The following DEPDC4 variants were observed in gnomAD, a reference collection of about 807,000 sequenced individuals.
DEPDC4 encodes DEP domain containing 4.
Under a neutral mutation model 52.0 loss-of-function variants are expected in DEPDC4, and 52 were observed. That is an observed-to-expected ratio of 1.00 (90% CI 0.80 to 1.26). The LOEUF is 1.26. Ranked by LOEUF, DEPDC4 falls within the 50% of genes most tolerant of loss-of-function variation. The pLI is 0.00. For missense variants in DEPDC4, 530 were observed against 546.9 expected, an observed-to-expected ratio of 0.97 and a Z score of 0.31; for synonymous variants, 201 against 196.8, an observed-to-expected ratio of 1.02 and a Z score of -0.18.
rs539273443 is a variant in DEPDC4 at position 100,249,384 on chromosome 12, C to T, written c.1375-406G>A. ...GGCAAATAGGCCAGGCGTGGTGGCT[C>T]ACACCTGTAATCCCAGTACTTTGGG... On this transcript the variant is annotated intron_variant, in intron 7 of 9. Transcript: ENST00000550587. Among the ~76,000 whole-genome samples the T allele has an allele frequency of 9.2e-5, 14 of 152,288 alleles. No homozygotes were observed. The South Asian group carries it at 2.9e-3, about 32-fold the overall frequency.
chr12:100,261,118 T>A (rs908914718), intron 3 of DEPDC4, among the ~76,000 whole-genome samples: 12 of 151,522 alleles, frequency 7.9e-5, no homozygotes, highest in Non-Finnish European at 1.5e-5. Context: ...GAGGCAGAGG[T>A]TGGAGTGAGC....
chr12:100,233,041 G>T (rs1474698535), intron 9 of DEPDC4, among the ~76,000 whole-genome samples: 1 of 152,120 alleles, frequency 6.6e-6, no homozygotes, highest in African/African-American at 2.4e-5. Flanking sequence ...GCTCCATTTT[G>T]CAAATGAGAA....
At chr12:100,263,985 G>A (rs1221428486) in intron 1 of DEPDC4, 92 bp from the exon 2 acceptor site, 2 of 1,138,540 alleles carry the variant, frequency 1.8e-6, no homozygotes, top group Non-Finnish European at 2.5e-6. Flanking sequence ...CTTGTTGAAG[G>A]CATATCTGCT....
intron 5 of DEPDC4, among the ~76,000 whole-genome samples, chr12:100,252,889 G>A (rs552453726): frequency 6.6e-5 from 10 of 152,216 alleles, no homozygotes; most frequent in South Asian, 6.2e-4. Context: ...TAGGTACCTC[G>A]GTTCTTAAAT....
At chr12:100,269,149 A>G (rs552069946), upstream of DEPDC4, among the ~76,000 whole-genome samples, 1 of 152,236 alleles carries the variant, frequency 6.6e-6, no homozygotes, top group East Asian at 1.9e-4. Flanking sequence ...TTTTAAGTAA[A>G]TCGAACACAT....
chr12:100,277,656 A>G, the DEPDC4 span, among the ~76,000 whole-genome samples: 1 of 152,172 alleles, frequency 6.6e-6, no homozygotes, highest in Non-Finnish European at 1.5e-5. Flanking sequence ...ATCCAATTTG[A>G]TAATCTCTGC....
At chr12:100,257,251 T>G (rs2096237473) in intron 3 of DEPDC4, among the ~76,000 whole-genome samples, 2 of 152,002 alleles carry the variant, frequency 1.3e-5, no homozygotes, top group Non-Finnish European at 2.9e-5. Flanking sequence ...CTAATTTTTG[T>G]ATTTTTAGTA....
At chr12:100,257,975 TGATAGATAGATAGATA>T (rs3054280) in intron 3 of DEPDC4, among the ~76,000 whole-genome samples, 21,320 of 149,248 alleles carry the variant, frequency 0.14, 2,034 homozygotes, top group Non-Finnish European at 0.21. Flanking sequence ...TAAAATGTAT[TGATAGATAGATAGATA>T]GATAGATAGA....
At chr12:100,244,563 C>T (rs1409420320) in intron 8 of DEPDC4, among the ~76,000 whole-genome samples, 1 of 151,706 alleles carries the variant, frequency 6.6e-6, no homozygotes, top group Non-Finnish European at 1.5e-5. Flanking sequence ...GCAGCCTGGA[C>T]CTCCTGCAGC....
At chr12:100,246,707 C>T (rs146214090) in intron 8 of DEPDC4, among the ~76,000 whole-genome samples, 1,999 of 152,212 alleles carry the variant, frequency 0.013, 20 homozygotes, top group Non-Finnish European at 0.02. Context: ...AAGGCCAAGG[C>T]GGGCGGATCA....
At chr12:100,275,119 T>C in the DEPDC4 span, among the ~76,000 whole-genome samples, 30 of 152,224 alleles carry the variant, frequency 2.0e-4, no homozygotes, top group Non-Finnish European at 3.7e-4. Flanking sequence ...CTTGTTAAAT[T>C]TATTCATAGG....
intron 9 of DEPDC4, among the ~76,000 whole-genome samples, chr12:100,234,902 G>A (rs2096139045): frequency 6.6e-6 from 1 of 152,082 alleles, no homozygotes; most frequent in African/African-American, 2.4e-5. Flanking sequence ...GTCACTAGGT[G>A]GCATGGCAAT....
rs1252063265 is a variant in DEPDC4 at position 100,261,777 on chromosome 12, A to G, written c.700+487T>C. On this transcript the variant is annotated intron_variant, in intron 3 of 9. Coordinates refer to ENST00000550587, the MANE Select transcript of DEPDC4 (RefSeq NM_001364818.2). ...TGTGTAGAAGGAAACTCCTACAGGG[A>G]AGAGAAGGAGGGAGTCAACACACTA... 1.5e-5 allele frequency: 7 copies of G among 456,694 alleles called. No individual in the cohort carries two copies. The East Asian group carries it at 4.9e-4, about 32-fold the overall frequency. The allele number at this position is 456,694 out of a possible 1,614,324, so 28.3% of individuals were successfully genotyped here. A position where few individuals can be genotyped will look rare whatever the true frequency, so the allele number is the denominator to read the frequency against.
intron 5 of DEPDC4, among the ~76,000 whole-genome samples, chr12:100,252,813 A>G (rs896637222): frequency 2.6e-5 from 4 of 152,230 alleles, no homozygotes; most frequent in African/African-American, 9.6e-5. Flanking sequence ...AAAATGACAT[A>G]TTATGTCACT....
chr12:100,241,972 G>T, intron 9 of DEPDC4, 127 bp from the exon 10 acceptor site: 2 of 429,594 alleles, frequency 4.7e-6, no homozygotes, highest in Non-Finnish European at 6.2e-6. Flanking sequence ...GGCTTTCTTT[G>T]TTCCACAGTT....
chr12:100,281,416 G>A, the DEPDC4 span, among the ~76,000 whole-genome samples: 1 of 152,206 alleles, frequency 6.6e-6, no homozygotes, highest in Non-Finnish European at 1.5e-5. Context: ...GCTAGGTGTG[G>A]TGGCTTATTT....
chr12:100,255,357 T>C (rs2096228140), intron 4 of DEPDC4, among the ~76,000 whole-genome samples: 1 of 152,228 alleles, frequency 6.6e-6, no homozygotes. Flanking sequence ...AGGACCATAG[T>C]TGACTAAGAG....
chr12:100,241,595 G>A lies in DEPDC4; in HGVS notation c.*297C>T. Reference sequence around the variant, plus strand: ...TTTGAGATTATGCTTTCTCTGAAGTGTAAGTATGGCAATTTGAGAAAACCA... The same window carrying A: ...TTTGAGATTATGCTTTCTCTGAAGTATAAGTATGGCAATTTGAGAAAACCA... On this transcript the variant is annotated 3_prime_UTR_variant, in exon 10 of 10. Coordinates refer to ENST00000550587, the MANE Select transcript of DEPDC4 (RefSeq NM_001364818.2). The A allele has an allele frequency of 1.2e-6, 1 of 860,154 alleles. No homozygotes were observed. Among genetic ancestry groups the A allele is most frequent in the African/African-American group, 1.8e-5 (1 of 54,412 alleles). 53.3% of individuals were successfully genotyped at this position (860,154 alleles called of 1,614,324 possible). A position where few individuals can be genotyped will look rare whatever the true frequency, so the allele number is the denominator to read the frequency against.
chr12:100,263,942 AT>A, intron 1 of DEPDC4, 49 bp from the exon 2 acceptor site: 1 of 1,527,238 alleles, frequency 6.5e-7, no homozygotes, highest in Non-Finnish European at 8.8e-7. Context: ...TTATACAAAA[AT>A]ATGCAAATTT....
Sources: gnomAD v4.1 joint callset for allele counts (sites outside exome capture counted in the v4.1 genomes callset) on GRCh38, gnomAD v4.1.1 for gene constraint, MANE v1.5 for transcripts, NCBI Gene and HGNC (gene_info 2026-07-23, HGNC 2026-07-21) for gene names.